The following DEDD variants were observed in gnomAD, a reference collection of about 807,000 sequenced individuals.
DEDD encodes death effector domain-containing protein.
A neutral mutation model predicts 29.2 loss-of-function variants in DEDD; 3 were observed. That is an observed-to-expected ratio of 0.10 (90% CI 0.05 to 0.27). The LOEUF is 0.27. DEDD is among the 10% of genes least tolerant of loss of function. The pLI is 1.00. For missense variants in DEDD, 261 were observed against 420.5 expected (o/e 0.62, Z 3.32); for synonymous variants, 152 against 161.3 (o/e 0.94, Z 0.44).
chr1:161,123,816 AG>A (rs1557978726), intron 4 of DEDD, 22 bp downstream of exon 4: 1 of 1,586,494 alleles, frequency 6.3e-7, no homozygotes, highest in Non-Finnish European at 8.6e-7. Flanking sequence ...GATGGAAAGC[AG>A]GGGGAGTTAA....
Position 161,123,848 on chromosome 1 carries a change from A to G in DEDD, c.424T>C (p.Ser142Pro). The change falls in exon 4 of 6, where the codon TCT (serine) becomes CCT (proline). Residue 142 changes from serine to proline, a missense_variant. Physicochemically the swap from Ser to Pro is moderately conservative, Grantham distance 74. Around this residue, in one of 2 missense-constraint regions of DEDD, gnomAD observed 203 missense variants for 268.7 expected, o/e 0.76. Coordinates refer to ENST00000368006, the MANE Select transcript of DEDD (RefSeq NM_032998.3). ...SDPEPRPPQP[S>P]KTVPPHYPVV... ...GTTAATGTCTTCTCACCTGTTTTAG[A>G]GGGCTGGGGAGGCCTTGGTTCTGGA... 1.2e-6 allele frequency: 2 copies of G among 1,613,460 alleles called. No individual in the cohort carries two copies. Among genetic ancestry groups the G allele is most frequent in the Non-Finnish European group, 1.7e-6 (2 of 1,179,754 alleles).
Position 161,121,005 on chromosome 1 carries a change from A to C in DEDD, c.*1142T>G. 16 of 1,386,794 alleles carry C rather than the reference A, an allele frequency of 1.2e-5. No homozygotes were observed. Among genetic ancestry groups the C allele is most frequent in the Non-Finnish European group, 1.5e-5 (16 of 1,071,180 alleles). The allele number at this position is 1,386,794 out of a possible 1,614,324, so 85.9% of individuals were successfully genotyped here. On this transcript the variant is annotated 3_prime_UTR_variant, in exon 6 of 6. Transcript: ENST00000368006. ...TATATAGTCATTGTTTATTTCATGG[A>C]AACTGAAGTTCTGCTGAGGGCTGAG... is the stretch of plus-strand genomic sequence containing the variant.
chr1:161,125,576 A>C (rs573276158), intron 2 of DEDD: 28 of 152,102 alleles, frequency 1.8e-4, no homozygotes, highest in African/African-American at 6.0e-4. Context: ...ATCTCGGCTC[A>C]CTGCAACCTC....
intron 2 of DEDD, among the ~76,000 whole-genome samples, chr1:161,126,597 C>A (rs1656197970): frequency 6.6e-6 from 1 of 151,774 alleles, no homozygotes; most frequent in African/African-American, 2.4e-5. Context: ...CTGCCTCGGC[C>A]TCCGAAAGTG....
intron 2 of DEDD, chr1:161,124,922 C>A: frequency 6.3e-6 from 1 of 158,392 alleles, no homozygotes; most frequent in Non-Finnish European, 1.4e-5. Flanking sequence ...ATAGCAAGAC[C>A]CCATCTCTAC....
intron 2 of DEDD, among the ~76,000 whole-genome samples, chr1:161,127,356 T>C (rs1656282230): frequency 6.6e-6 from 1 of 152,178 alleles, no homozygotes; most frequent in Non-Finnish European, 1.5e-5. Flanking sequence ...GGTTGCTCTG[T>C]CCATTTTATA....
intron 2 of DEDD, among the ~76,000 whole-genome samples, chr1:161,126,383 G>A (rs944374277): frequency 8.9e-5 from 12 of 134,674 alleles, no homozygotes; most frequent in South Asian, 2.3e-4. Flanking sequence ...TCACTCTGTC[G>A]CCCAGGCTGC....
chr1:161,121,864 CTT>C lies in DEDD; in HGVS notation c.*281_*282del. The stretch of plus-strand genomic sequence containing the variant: ...CCTTACAAAGACTATGTGCTGTAGA[CTT>C]TGCTTCTTCCTATACATTTGTCTTA... On this transcript the variant is annotated 3_prime_UTR_variant, in exon 6 of 6. Transcript: ENST00000368006. 1 of 376,170 alleles carries C rather than the reference CTT, an allele frequency of 2.7e-6. No homozygotes were observed. 23.3% of individuals were successfully genotyped at this position (376,170 alleles called of 1,614,324 possible).
rs1056207579 is a variant in DEDD at position 161,123,235 on chromosome 1, A to G, written c.434-14T>C. 1.9e-6 allele frequency: 3 copies of G among 1,609,042 alleles called. No individual in the cohort carries two copies. The highest frequency in any genetic ancestry group is 1.3e-5 in the African/African-American group (1 of 74,840). ...AGTGGGGAGGCACTGACCAGAAAGT[A>G]AAAGGGAAGAAAACACAGTAGGGTA... On this transcript the variant is annotated splice_polypyrimidine_tract_variant and intron_variant, in intron 4 of 5. Transcript: ENST00000368006.
chr1:161,126,555 A>G (rs529953439), intron 2 of DEDD, among the ~76,000 whole-genome samples: 2,225 of 151,632 alleles, frequency 0.015, 54 homozygotes, highest in African/African-American at 0.05. Flanking sequence ...TATTGGCCAG[A>G]CTGGTCTCGA....
chr1:161,132,034 C>T (rs1201036419), intron 1 of DEDD: 1 of 152,170 alleles, frequency 6.6e-6, no homozygotes, highest in Non-Finnish European at 1.5e-5. Flanking sequence ...GGCCCTTCCC[C>T]CTCCCACCTC....
At position 161,122,376 on chromosome 1, in the gene DEDD, G is replaced by C. The variant is rs757933885; in HGVS notation, c.728C>G (p.Ser243Cys). Reference protein sequence around the residue: ...NTILKSRDLGSIICDIKFSEL... With the variant: ...NTILKSRDLGCIICDIKFSEL... ...AGAGAACTTGATGTCACAGATGATG[G>C]AGCCCAGGTCCCGGGACTTGAGGAT... Residue 243 changes from serine to cysteine, a missense_variant, in exon 6 of 6, where the codon TCC becomes TGC. This residue lies in a region of DEDD where 58 missense variants were observed against 151.8 expected (regional missense o/e 0.38). Coordinates refer to ENST00000368006, the MANE Select transcript of DEDD (RefSeq NM_032998.3). The surrounding 1 kb of genome is among the most constrained non-coding windows in gnomAD (Gnocchi z 4.2). 1 of 1,614,058 alleles carries C rather than the reference G, an allele frequency of 6.2e-7. No homozygotes were observed. The highest frequency in any genetic ancestry group is 8.5e-7 in the Non-Finnish European group (1 of 1,180,036).
At position 161,122,642 on chromosome 1, in the gene DEDD, T is replaced by C; in HGVS notation, c.581-119A>G. 1 of 1,266,508 alleles carries C rather than the reference T, an allele frequency of 7.9e-7. No individual in the cohort carries two copies. The highest frequency in any genetic ancestry group is 1.1e-6 in the Non-Finnish European group (1 of 923,856). 78.5% of individuals were successfully genotyped at this position (1,266,508 alleles called of 1,614,324 possible). ...AAAGTAGGGAATATCACCTGACAGC[T>C]TCTCTACCTCTTCCCCAGGACTATT... On this transcript the variant is annotated intron_variant, in intron 5 of 5. Coordinates refer to ENST00000368006, the MANE Select transcript of DEDD (RefSeq NM_032998.3). This position sits in a 1 kb window ranked among gnomAD's most constrained non-coding sequence, Gnocchi z 4.2.
At chr1:161,126,390 C>CT (rs1437481350) in intron 2 of DEDD, among the ~76,000 whole-genome samples, 2 of 148,472 alleles carry the variant, frequency 1.3e-5, no homozygotes, top group Non-Finnish European at 3.0e-5. Flanking sequence ...GTCGCCCAGG[C>CT]TGCAGTGCAG....
rs923832614 is a variant in DEDD at position 161,121,081 on chromosome 1, C to T, written c.*1066G>A. The T allele has an allele frequency of 1.5e-5, 18 of 1,174,902 alleles. No homozygotes were observed. The highest frequency in any genetic ancestry group is 1.7e-5 in the Non-Finnish European group (16 of 942,522). 72.8% of individuals were successfully genotyped at this position (1,174,902 alleles called of 1,614,324 possible). ...AATCATAAAGTCTGTGTCTGGACATCGCCTTTGGGAACTAGAAGGGGAGTT... is the reference window on the plus strand; with the variant it reads ...AATCATAAAGTCTGTGTCTGGACATTGCCTTTGGGAACTAGAAGGGGAGTT... On this transcript the variant is annotated 3_prime_UTR_variant, in exon 6 of 6. Transcript: ENST00000368006.
At position 161,122,043 on chromosome 1, in the gene DEDD, G is replaced by T. The variant is rs980978137; in HGVS notation, c.*104C>A. The T allele has an allele frequency of 1.5e-6, 2 of 1,316,248 alleles. No individual in the cohort carries two copies. The highest frequency in any genetic ancestry group is 2.0e-6 in the Non-Finnish European group (2 of 980,040). The allele number at this position is 1,316,248 out of a possible 1,614,324, so 81.5% of individuals were successfully genotyped here. A position where few individuals can be genotyped will look rare whatever the true frequency, so the allele number is the denominator to read the frequency against. On this transcript the variant is annotated 3_prime_UTR_variant, in exon 6 of 6. Transcript: ENST00000368006. This position sits in a 1 kb window ranked among gnomAD's most constrained non-coding sequence, Gnocchi z 4.2. Reference sequence around the variant, plus strand: ...TTTCTTTAAAAAAAAAAAAAAAAAGGCAGGGGTGTGATTGGTTGGAAGGGT... The same window carrying T: ...TTTCTTTAAAAAAAAAAAAAAAAAGTCAGGGGTGTGATTGGTTGGAAGGGT...
In DEDD at chr1:161,122,579, A is replaced by G. The variant is rs2101735808; in HGVS notation, c.581-56T>C. 3.2e-6 allele frequency: 5 copies of G among 1,562,180 alleles called. No homozygotes were observed. The highest frequency in any genetic ancestry group is 2.3e-5 in the East Asian group (1 of 44,298). ...AGGTTACAGTAAGGGATGAGTTTAC[A>G]AGCCAAGCTTGAAAACTGAAAAGCA... On this transcript the variant is annotated intron_variant, in intron 5 of 5. Transcript: ENST00000368006. This position sits in a 1 kb window ranked among gnomAD's most constrained non-coding sequence, Gnocchi z 4.2.
chr1:161,125,919 C>T (rs932880535), intron 2 of DEDD, among the ~76,000 whole-genome samples: 1 of 152,206 alleles, frequency 6.6e-6, no homozygotes, highest in Non-Finnish European at 1.5e-5. Flanking sequence ...AAAGTTCCTC[C>T]ATCGTTATGG....
At chr1:161,128,013 T>G (rs1656331664) in intron 2 of DEDD, among the ~76,000 whole-genome samples, 1 of 152,234 alleles carries the variant, frequency 6.6e-6, no homozygotes, top group African/African-American at 2.4e-5. Context: ...AGGAAAGCAC[T>G]GTGGTCCTAA....
Sources: gnomAD v4.1 joint callset for allele counts (sites outside exome capture counted in the v4.1 genomes callset) on GRCh38, gnomAD v4.1.1 for gene constraint, gnomAD v4.1.1 regional missense constraint, Gnocchi (gnomAD v3.1) non-coding constraint, MANE v1.5 for transcripts, NCBI Gene and HGNC (gene_info 2026-07-23, HGNC 2026-07-21) for gene names.